The following CDH23 variants were observed in gnomAD, a reference collection of about 807,000 sequenced individuals.
CDH23 encodes the protein cadherin related 23, also known as cadherin-23.
In CDH23, 189 loss-of-function variants were observed where a neutral mutation model predicts 317.1. The ratio of observed to expected loss-of-function variants is 0.60; its 90% CI spans 0.53 to 0.67. The LOEUF (loss-of-function observed/expected upper bound fraction) is 0.67, where lower values mean the gene tolerates loss of function less well. CDH23 is among the 30% of genes least tolerant of loss of function. CDH23 has a pLI of 0.00. For synonymous variants in CDH23, 1,839 were observed against 1,876.8 expected, an observed-to-expected ratio of 0.98 and a Z score of 0.52; for missense variants, 4,401 against 4,592.4, an observed-to-expected ratio of 0.96 and a Z score of 1.20.
chr10:71,481,488 C>T (rs1295911814), intron 3 of CDH23, among the ~76,000 whole-genome samples: 1 of 152,134 alleles, frequency 6.6e-6, no homozygotes, highest in Non-Finnish European at 1.5e-5. Context: ...TAAATGGCGC[C>T]TCTTCTCAGG....
intron 1 of CDH23, among the ~76,000 whole-genome samples, chr10:71,429,371 C>G (rs556228146): frequency 6.6e-6 from 1 of 152,318 alleles, no homozygotes; most frequent in South Asian, 2.1e-4. Flanking sequence ...GCTCAATAGA[C>G]AAGTCCCTCT....
chr10:71,675,128 C>T lies in CDH23; in HGVS notation c.1466C>T (p.Ala489Val), dbSNP rs1232069823. The T allele has an allele frequency of 6.2e-6, 10 of 1,613,968 alleles. No individual in the cohort carries two copies. Among genetic ancestry groups the T allele is most frequent in the Non-Finnish European group, 8.5e-6 (10 of 1,179,838 alleles). The change falls in exon 15 of 70, where the codon GCA becomes GTA. Residue 489 changes from alanine (A) to valine (V), a missense_variant. Transcript: ENST00000224721. ...VLTVLATDNDAGTFGEVSYFF... is the reference protein window; with the variant it reads ...VLTVLATDNDVGTFGEVSYFF... ...CTGTTGCAGGCAACTGACAATGATG[C>T]AGGCACCTTTGGGGAAGTCAGCTAC...
intron 1 of CDH23, among the ~76,000 whole-genome samples, chr10:71,435,096 G>A (rs1251342751): frequency 6.6e-6 from 1 of 152,212 alleles, no homozygotes; most frequent in African/African-American, 2.4e-5. Flanking sequence ...AAGGGTTGGG[G>A]CTGAGGCTGG....
At chr10:71,608,982 C>T (rs1340033334) in intron 9 of CDH23, among the ~76,000 whole-genome samples, 1 of 152,202 alleles carries the variant, frequency 6.6e-6, no homozygotes, top group African/African-American at 2.4e-5. Flanking sequence ...TGTGTTCCCG[C>T]ACGCACCATC....
intron 12 of CDH23, 64 bp from the exon 13 acceptor site, chr10:71,645,767 A>C: frequency 6.3e-7 from 1 of 1,581,246 alleles, no homozygotes; most frequent in African/African-American, 1.3e-5. Context: ...CTGCTCCTCC[A>C]TTTGGGTCTA....
chr10:71,774,071 A>G (rs966710241), intron 38 of CDH23, among the ~76,000 whole-genome samples: 3 of 152,008 alleles, frequency 2.0e-5, no homozygotes, highest in Admixed American at 6.5e-5. Flanking sequence ...ACACACACAC[A>G]CACACACACA....
intron 11 of CDH23, among the ~76,000 whole-genome samples, chr10:71,634,562 A>G (rs1862171927): frequency 6.6e-6 from 1 of 152,254 alleles, no homozygotes; most frequent in South Asian, 2.1e-4. Context: ...AGACAGGGCC[A>G]CAAGGAAGGG....
chr10:71,693,092 C>T (rs1282470544), intron 20 of CDH23, among the ~76,000 whole-genome samples: 1 of 152,220 alleles, frequency 6.6e-6, no homozygotes, highest in East Asian at 1.9e-4. Context: ...GGTGCTCTCC[C>T]ATGGCTGATG....
chr10:71,629,567 G>A (rs565165966), intron 11 of CDH23, among the ~76,000 whole-genome samples: 4 of 152,326 alleles, frequency 2.6e-5, no homozygotes, highest in South Asian at 4.1e-4. Flanking sequence ...GTGAAGTTTC[G>A]GGAGGAGGTG....
intron 3 of CDH23, among the ~76,000 whole-genome samples, chr10:71,458,184 T>G (rs1850793291): frequency 1.3e-5 from 2 of 152,274 alleles, no homozygotes; most frequent in Non-Finnish European, 2.9e-5. Context: ...CCTGTGAGCC[T>G]GACTGTCCAA....
chr10:71,765,769 G>A (rs892112534), intron 38 of CDH23, among the ~76,000 whole-genome samples: 1 of 152,062 alleles, frequency 6.6e-6, no homozygotes, highest in African/African-American at 2.4e-5. Flanking sequence ...CAAAGGAGTT[G>A]TTCCCCTTTT....
chr10:71,812,137 G>A, intron 66 of CDH23, 122 bp downstream of exon 66: 2 of 1,595,762 alleles, frequency 1.3e-6, no homozygotes, highest in Non-Finnish European at 1.7e-6. Flanking sequence ...GCCCCCTGGT[G>A]GGCGGGCCAC....
Position 71,677,811 on chromosome 10 carries a change from G to T in CDH23, c.1752+118G>T, listed in dbSNP as rs911519892. Reference sequence around the variant, plus strand: ...AGACAGGTCTCACTCTTTCACCCAGGCTGGAGTGCAGTGGTACAATCAGAG... The same window carrying T: ...AGACAGGTCTCACTCTTTCACCCAGTCTGGAGTGCAGTGGTACAATCAGAG... On this transcript the variant is annotated intron_variant, in intron 16 of 69. Coordinates refer to ENST00000224721, the MANE Select transcript of CDH23 (RefSeq NM_022124.6). The T allele has an allele frequency of 5.3e-5, 43 of 805,236 alleles. 1 individual carries two copies. In the South Asian group the frequency reaches 7.0e-4, roughly 13 times the overall value. 49.9% of individuals were successfully genotyped at this position (805,236 alleles called of 1,614,324 possible). A position where few individuals can be genotyped will look rare whatever the true frequency, so the allele number is the denominator to read the frequency against.
chr10:71,706,058 T>C (rs758210666), intron 25 of CDH23, among the ~76,000 whole-genome samples: 3 of 152,142 alleles, frequency 2.0e-5, no homozygotes, highest in Non-Finnish European at 4.4e-5. Flanking sequence ...ACAGGGAATA[T>C]GTCCCAGCTT....
intron 48 of CDH23, 99 bp from the exon 49 acceptor site, chr10:71,797,005 C>T: frequency 1.1e-5 from 8 of 739,202 alleles, no homozygotes; most frequent in Non-Finnish European, 1.9e-5. Flanking sequence ...GACCGTCATC[C>T]TTTGTGGGGA....
intron 3 of CDH23, among the ~76,000 whole-genome samples, chr10:71,484,597 G>C (rs1192608554): frequency 1.3e-5 from 2 of 152,200 alleles, no homozygotes; most frequent in Admixed American, 1.3e-4. Flanking sequence ...GCCCGGCCCT[G>C]CTCTGCCATC....
chr10:71,657,920 T>TAC (rs34295420), intron 14 of CDH23, among the ~76,000 whole-genome samples: 43,075 of 151,366 alleles, frequency 0.28, 6,216 homozygotes, highest in Middle Eastern at 0.35. Flanking sequence ...GAGGGACACA[T>TAC]ACACACACAC....
At chr10:71,694,982 G>C (rs895209752) in intron 21 of CDH23, among the ~76,000 whole-genome samples, 1 of 152,146 alleles carries the variant, frequency 6.6e-6, no homozygotes, top group Non-Finnish European at 1.5e-5. Flanking sequence ...CTCTGTCAAG[G>C]GAGGCTCCTA....
At chr10:71,777,203 A>G (rs1335963909) in intron 38 of CDH23, among the ~76,000 whole-genome samples, 1 of 152,242 alleles carries the variant, frequency 6.6e-6, no homozygotes, top group Admixed American at 6.5e-5. Context: ...TACATGAACA[A>G]TAGATGAAGG....
Sources: allele counts gnomAD v4.1 joint callset (sites outside exome capture counted in the v4.1 genomes callset), GRCh38; gene constraint gnomAD v4.1.1; transcripts MANE v1.5; gene names NCBI Gene and HGNC (gene_info 2026-07-23, HGNC 2026-07-21).